COL4A3: variants seen among roughly 807,000 people sequenced by gnomAD.
COL4A3 encodes collagen type IV alpha 3 chain.
COL4A3 carries 135 observed loss-of-function variants against 217.4 expected under a neutral mutation model. That is an observed-to-expected ratio of 0.62 (90% CI 0.54 to 0.72). The LOEUF (loss-of-function observed/expected upper bound fraction) is 0.72, where lower values mean the gene tolerates loss of function less well. COL4A3 is among the 30% of genes least tolerant of loss of function. The probability of loss-of-function intolerance (pLI) is 0.00; values close to 1 mark genes in which losing one functional copy is unlikely to be tolerated. For synonymous variants in COL4A3, 690 were observed against 736.3 expected, an observed-to-expected ratio of 0.94 and a Z score of 1.02; for missense variants, 1,868 against 2,119.9, an observed-to-expected ratio of 0.88 and a Z score of 2.33.
Position 227,245,821 on chromosome 2 carries a change from T to C in COL4A3, c.325-133T>C, listed in dbSNP as rs994597624. 7 of 762,470 alleles carry C rather than the reference T, an allele frequency of 9.2e-6. No homozygotes were observed. In the Admixed American group the frequency reaches 1.1e-4, roughly 12 times the overall value. The allele number at this position is 762,470 out of a possible 1,614,324, so 47.2% of individuals were successfully genotyped here. On this transcript the variant is annotated intron_variant, in intron 5 of 51. Coordinates refer to ENST00000396578, the MANE Select transcript of COL4A3 (RefSeq NM_000091.5). ...ACTGAAATTATATGTAAAACCACAA[T>C]GTACATTTACTACTTAACCATTTAA...
At chr2:227,284,002 T>G in intron 33 of COL4A3, 146 bp downstream of exon 33, 1 of 976,016 alleles carries the variant, frequency 1.0e-6, no homozygotes, top group East Asian at 2.5e-5. Flanking sequence ...ATGTTCCTTT[T>G]CTCCATTTGA....
At chr2:227,275,605 G>A (rs2071508663) in intron 26 of COL4A3, among the ~76,000 whole-genome samples, 1 of 151,938 alleles carries the variant, frequency 6.6e-6, no homozygotes, top group South Asian at 2.1e-4. Flanking sequence ...TGACTATATG[G>A]ACAACACTTA....
At chr2:227,246,605 G>A (rs2069354802) in intron 6 of COL4A3, 80 bp from the exon 7 acceptor site, 2 of 1,159,308 alleles carry the variant, frequency 1.7e-6, no homozygotes, top group Non-Finnish European at 2.6e-6. Flanking sequence ...TGCAAGGTTG[G>A]AAGCGAGAAA....
At chr2:227,228,902 C>T (rs2068240441) in intron 1 of COL4A3, among the ~76,000 whole-genome samples, 1 of 152,152 alleles carries the variant, frequency 6.6e-6, no homozygotes, top group Non-Finnish European at 1.5e-5. Flanking sequence ...CATGTCAAGT[C>T]AATGAGTTAG....
At position 227,200,249 on chromosome 2, in the gene COL4A3, T is replaced by C. The variant is rs1278055940; in HGVS notation, c.87+35436T>C. On this transcript the variant is annotated intron_variant, in intron 1 of 51. Coordinates refer to ENST00000396578, the MANE Select transcript of COL4A3 (RefSeq NM_000091.5). The stretch of plus-strand genomic sequence containing the variant: ...ATACAATTCGAAGAAGGGACTTTTT[T>C]CCTTTAATCTACACTGATTTTCCAT... Among the ~76,000 whole-genome samples the C allele has an allele frequency of 2.0e-5, 3 of 151,426 alleles. No homozygotes were observed. In the East Asian group the frequency reaches 5.8e-4, roughly 29 times the overall value.
intron 42 of COL4A3, 126 bp downstream of exon 42, chr2:227,297,985 T>G: frequency 1.9e-6 from 2 of 1,074,632 alleles, no homozygotes; most frequent in Non-Finnish European, 2.8e-6. Context: ...ATTCCCCCAC[T>G]ACCTGTGGTT....
chr2:227,267,989 C>G (rs1460108069), intron 23 of COL4A3, among the ~76,000 whole-genome samples: 1 of 152,170 alleles, frequency 6.6e-6, no homozygotes, highest in African/African-American at 2.4e-5. Flanking sequence ...CTTTGAAGTA[C>G]AAAACGTCTC....
In COL4A3 at chr2:227,297,655, T is replaced by C. The variant is rs2073088729; in HGVS notation, c.3566-19T>C. 1 of 1,597,842 alleles carries C rather than the reference T, an allele frequency of 6.3e-7. No homozygotes were observed. The highest frequency in any genetic ancestry group is 8.5e-7 in the Non-Finnish European group (1 of 1,173,204). ...GCATATGGGCATTAAAGAAACTTAT[T>C]AAGCCTTCTTCTTTGCAGGAGCCAA... On this transcript the variant is annotated intron_variant, in intron 41 of 51. Coordinates refer to ENST00000396578, the MANE Select transcript of COL4A3 (RefSeq NM_000091.5).
At chr2:227,270,311 T>C (rs1574746752) in intron 24 of COL4A3, among the ~76,000 whole-genome samples, 1 of 152,206 alleles carries the variant, frequency 6.6e-6, no homozygotes, top group Non-Finnish European at 1.5e-5. Flanking sequence ...CATAATTCTA[T>C]AAATTTACTA....
In COL4A3 at chr2:227,259,810, A is replaced by G. The variant is rs775366253; in HGVS notation, c.1047A>G (p.Thr349=). The G allele has an allele frequency of 6.8e-6, 11 of 1,612,728 alleles. No homozygotes were observed. The Admixed American group carries it at 1.2e-4, about 17-fold the overall frequency. ...GFRGPTEYYD[T]YQEKGDEGTP... ...CCTCTAAGACAGAATATTATGACAC[A>G]TACCAGGAAAAGGGAGATGAAGGCA... is the stretch of plus-strand genomic sequence containing the variant. The change falls in exon 19 of 52, where the codon ACA becomes ACG. Residue 349 remains threonine (T), a synonymous_variant. Transcript: ENST00000396578.
intron 1 of COL4A3, among the ~76,000 whole-genome samples, chr2:227,209,212 A>T (rs1012014983): frequency 6.6e-6 from 1 of 152,158 alleles, no homozygotes; most frequent in African/African-American, 2.4e-5. Context: ...AATCTTGGGG[A>T]TTCCCTAAGA....
At chr2:227,271,229 T>C (rs534214849) in intron 25 of COL4A3, among the ~76,000 whole-genome samples, 1 of 152,262 alleles carries the variant, frequency 6.6e-6, no homozygotes, top group South Asian at 2.1e-4. Flanking sequence ...TTGTATCAAA[T>C]GAGTCTATGG....
At chr2:227,240,293 C>G in intron 3 of COL4A3, 61 bp downstream of exon 3, 3 of 1,468,098 alleles carry the variant, frequency 2.0e-6, no homozygotes, top group Non-Finnish European at 2.8e-6. Context: ...CTGCCTACCC[C>G]CTGGCTGCTG....
intron 1 of COL4A3, among the ~76,000 whole-genome samples, chr2:227,199,348 CA>C (rs1179813086): frequency 6.6e-6 from 1 of 152,186 alleles, no homozygotes; most frequent in Non-Finnish European, 1.5e-5. Flanking sequence ...TACTACTTGG[CA>C]ATCTTTACCT....
At position 227,289,982 on chromosome 2, in the gene COL4A3, A is replaced by G; in HGVS notation, c.2981-17A>G. The G allele has an allele frequency of 6.2e-7, 1 of 1,610,802 alleles. No homozygotes were observed. On this transcript the variant is annotated splice_polypyrimidine_tract_variant and intron_variant, in intron 35 of 51. Coordinates refer to ENST00000396578, the MANE Select transcript of COL4A3 (RefSeq NM_000091.5). ...CCAGGAACTGTGCAGGGCAATAACT[A>G]CTTATTTGTTCTCAAGGCCCCAGAG...
At chr2:227,248,415 A>G in intron 8 of COL4A3, 28 bp from the exon 9 acceptor site, 2 of 1,349,446 alleles carry the variant, frequency 1.5e-6, no homozygotes, top group Non-Finnish European at 2.1e-6. Context: ...AACATTGATG[A>G]TGTTTGATGA....
intron 1 of COL4A3, among the ~76,000 whole-genome samples, chr2:227,231,174 A>G (rs949370911): frequency 2.0e-5 from 3 of 152,128 alleles, no homozygotes; most frequent in Non-Finnish European, 4.4e-5. Flanking sequence ...CATGTCTGCC[A>G]TATCATCTGA....
At position 227,297,838 on chromosome 2, in the gene COL4A3, C is replaced by G. The variant is rs2106247541; in HGVS notation, c.3730C>G (p.Pro1244Ala). The change falls in exon 42 of 52, where the codon CCA becomes GCA. Residue 1244 changes from proline (P) to alanine (A), a missense_variant. This residue lies in a region of COL4A3 where 1,503 missense variants were observed against 1,786.1 expected (regional missense o/e 0.84). Transcript: ENST00000396578. ...IPGQTGNRGPPGSRGSPGAPG... is the reference protein window; with the variant it reads ...IPGQTGNRGPAGSRGSPGAPG... ...TGGCCAGACAGGAAATCGTGGTCCA[C>G]CAGGCTCAAGAGGAAGCCCAGGTAA... The G allele has an allele frequency of 2.6e-6, 4 of 1,561,726 alleles. No homozygotes were observed. Among genetic ancestry groups the G allele is most frequent in the South Asian group, 2.4e-5 (2 of 84,758 alleles).
chr2:227,262,387 G>T (rs2070640113), intron 20 of COL4A3, among the ~76,000 whole-genome samples: 1 of 152,104 alleles, frequency 6.6e-6, no homozygotes, highest in Non-Finnish European at 1.5e-5. Flanking sequence ...TCTAATTCCA[G>T]AAGAATTTTA....
Sources: gnomAD v4.1 joint callset for allele counts (sites outside exome capture counted in the v4.1 genomes callset) on GRCh38, gnomAD v4.1.1 for gene constraint, gnomAD v4.1.1 regional missense constraint, MANE v1.5 for transcripts, NCBI Gene and HGNC (gene_info 2026-07-23, HGNC 2026-07-21) for gene names.